GBF1: variants seen among roughly 807,000 people sequenced by gnomAD.
The protein encoded by GBF1 is Golgi-specific brefeldin A-resistance guanine nucleotide exchange factor 1.
A neutral mutation model predicts 210.5 loss-of-function variants in GBF1; 114 were observed. That is an observed-to-expected ratio of 0.54 (90% CI 0.47 to 0.63). The LOEUF is 0.63. Ranked by LOEUF, GBF1 falls within the 30% of genes least tolerant of loss-of-function variation. GBF1 has a pLI of 0.00. For missense variants in GBF1, 1,851 were observed against 2,357.7 expected, an observed-to-expected ratio of 0.79 and a Z score of 4.45; for synonymous variants, 850 against 889.2, an observed-to-expected ratio of 0.96 and a Z score of 0.78.
At chr10:102,337,883 A>G (rs1289614168) in intron 3 of GBF1, among the ~76,000 whole-genome samples, 1 of 151,930 alleles carries the variant, frequency 6.6e-6, no homozygotes, top group Non-Finnish European at 1.5e-5. Flanking sequence ...AGAAAGAAAT[A>G]TCCTTACTAG....
rs2059682436 is a variant in GBF1 at position 102,362,665 on chromosome 10, G to C, written c.1876+1G>C. 6.2e-7 allele frequency: 1 copy of C among 1,610,852 alleles called. No individual in the cohort carries two copies. Among genetic ancestry groups the C allele is most frequent in the Non-Finnish European group, 8.5e-7 (1 of 1,177,036 alleles). On this transcript the variant is annotated splice_donor_variant, in intron 15 of 39. Transcript: ENST00000369983. LOFTEE classifies it high-confidence loss of function. ...GATGGCACCCGAGAAGCTAGCAATA[G>C]TGAGAGGCATTTCTTTCTTTGATGA...
intron 3 of GBF1, among the ~76,000 whole-genome samples, chr10:102,313,469 C>T (rs2078661115): frequency 6.6e-6 from 1 of 152,026 alleles, no homozygotes; most frequent in South Asian, 2.1e-4. Flanking sequence ...CTCAGCTGCC[C>T]CAAATACTTG....
intron 3 of GBF1, among the ~76,000 whole-genome samples, chr10:102,293,762 A>ATATTTT: frequency 2.2e-5 from 1 of 44,572 alleles, no homozygotes; most frequent in Non-Finnish European, 4.2e-5. Context: ...CAGCTGTAGT[A>ATATTTT]TGTTTTGTGT....
chr10:102,318,798 CTATT>C (rs1456922129), intron 3 of GBF1, among the ~76,000 whole-genome samples: 1 of 152,096 alleles, frequency 6.6e-6, no homozygotes, highest in Non-Finnish European at 1.5e-5. Context: ...TAAGCATTAT[CTATT>C]GACTTCCTAC....
At chr10:102,268,333 A>G (rs559979321) in intron 3 of GBF1, among the ~76,000 whole-genome samples, 6 of 152,340 alleles carry the variant, frequency 3.9e-5, no homozygotes, top group African/African-American at 1.4e-4. Flanking sequence ...TGCATGTATC[A>G]GAAAAGGAAT....
At chr10:102,360,518 T>C in intron 12 of GBF1, 123 bp downstream of exon 12, 1 of 665,792 alleles carries the variant, frequency 1.5e-6, no homozygotes, top group Non-Finnish European at 2.7e-6. Context: ...AGTTGGCTAG[T>C]AGTTTTAGTA....
intron 3 of GBF1, among the ~76,000 whole-genome samples, chr10:102,313,658 A>G (rs1446580260): frequency 6.6e-6 from 1 of 152,220 alleles, no homozygotes; most frequent in Non-Finnish European, 1.5e-5. Context: ...CTGAACTACA[A>G]TGGCTCAGAT....
chr10:102,378,917 GA>G (rs2135358953), intron 33 of GBF1, among the ~76,000 whole-genome samples: 1 of 152,286 alleles, frequency 6.6e-6, no homozygotes, highest in East Asian at 1.9e-4. Context: ...CTGGGTGACA[GA>G]GTGAGACCCT....
chr10:102,365,321 C>T (rs1006197923), intron 17 of GBF1, 76 bp from the exon 18 acceptor site: 12 of 1,073,434 alleles, frequency 1.1e-5, no homozygotes, highest in Non-Finnish European at 1.7e-5. Flanking sequence ...TGTGGGTGGG[C>T]TATGGTGGAC....
At chr10:102,307,528 C>T (rs1027473539) in intron 3 of GBF1, among the ~76,000 whole-genome samples, 1 of 151,736 alleles carries the variant, frequency 6.6e-6, no homozygotes, top group African/African-American at 2.4e-5. Flanking sequence ...CAGTGGCTCA[C>T]GCCTGTAATC....
At chr10:102,318,093 A>G (rs1486951291) in intron 3 of GBF1, among the ~76,000 whole-genome samples, 1 of 151,798 alleles carries the variant, frequency 6.6e-6, no homozygotes, top group East Asian at 1.9e-4. Context: ...TATTTTTAGT[A>G]GAGACAAGGT....
At chr10:102,345,153 G>A (rs983147740) in intron 4 of GBF1, among the ~76,000 whole-genome samples, 1 of 151,694 alleles carries the variant, frequency 6.6e-6, no homozygotes, top group Non-Finnish European at 1.5e-5. Flanking sequence ...GTGGTGGCGG[G>A]CTTCTGTAAC....
At chr10:102,287,493 C>A (rs547815716) in intron 3 of GBF1, among the ~76,000 whole-genome samples, 59 of 151,844 alleles carry the variant, frequency 3.9e-4, no homozygotes, top group African/African-American at 1.3e-3. Context: ...TGGTCTATTT[C>A]ACACAATTTC....
At chr10:102,279,895 G>C (rs560937480) in intron 3 of GBF1, among the ~76,000 whole-genome samples, 38 of 152,326 alleles carry the variant, frequency 2.5e-4, no homozygotes, top group African/African-American at 8.9e-4. Flanking sequence ...GACGCAAGAG[G>C]ATTGCTTGAG....
rs751286161 is a variant in GBF1, at chr10:102,260,056, G to A, written c.103G>A (p.Glu35Lys). Residue 35 changes from glutamate (E) to lysine (K), a missense_variant, in exon 3 of 40, where the codon GAA becomes AAA. Glu to Lys is a moderately conservative substitution (Grantham distance 56). Coordinates refer to ENST00000369983, the MANE Select transcript of GBF1 (RefSeq NM_001377137.1). Reference protein sequence around the residue: ...RWSTHTPLDEERDPLLHSFGH... With the variant: ...RWSTHTPLDEKRDPLLHSFGH... ...TAATCTATGTGTTCTACAGGATGAA[G>A]AACGGGATCCTCTGCTGCATAGTTT... The A allele has an allele frequency of 6.3e-7, 1 of 1,582,648 alleles. No homozygotes were observed.
chr10:102,304,388 T>A (rs989791808), intron 3 of GBF1, among the ~76,000 whole-genome samples: 2 of 152,144 alleles, frequency 1.3e-5, no homozygotes, highest in African/African-American at 2.4e-5. Flanking sequence ...ATATATATAT[T>A]TTTTAAATCT....
rs1449597287 is a variant in GBF1, at chr10:102,379,395, C to T, written c.4606C>T (p.Arg1536Cys). The T allele has an allele frequency of 3.7e-6, 6 of 1,613,964 alleles. No homozygotes were observed. Among genetic ancestry groups the T allele is most frequent in the African/African-American group, 1.3e-5 (1 of 74,894 alleles). Residue 1536 changes from arginine to cysteine, a missense_variant, in exon 34 of 40, where the codon CGC becomes TGC. Arg to Cys is a radical substitution (Grantham distance 180). Around this residue, in one of 3 missense-constraint regions of GBF1, gnomAD observed 967 missense variants for 1,247.7 expected, o/e 0.78. Transcript: ENST00000369983. ...TGGCCAGAAGATTGAAGCTGATTCT[C>T]GCACCCTCTGGGCCCACTGCTGGTG... Reference protein sequence around the residue: ...TGGQKIEADSRTLWAHCWCPL... With the variant: ...TGGQKIEADSCTLWAHCWCPL...
intron 1 of GBF1, among the ~76,000 whole-genome samples, chr10:102,250,354 C>T (rs1565009985): frequency 6.6e-6 from 1 of 151,914 alleles, no homozygotes; most frequent in Admixed American, 6.6e-5. Context: ...TGCCACCACG[C>T]CTGCCTGATT....
intron 3 of GBF1, among the ~76,000 whole-genome samples, chr10:102,306,729 T>G (rs1410215457): frequency 6.6e-6 from 1 of 152,212 alleles, no homozygotes; most frequent in Non-Finnish European, 1.5e-5. Flanking sequence ...CAGCCGGGGC[T>G]GTCTCTTTAG....
Sources: allele counts gnomAD v4.1 joint callset (sites outside exome capture counted in the v4.1 genomes callset), GRCh38; gene constraint gnomAD v4.1.1; regional missense constraint gnomAD v4.1.1; transcripts MANE v1.5; gene names NCBI Gene and HGNC (gene_info 2026-07-23, HGNC 2026-07-21).